Variants in CSRP2 observed in about 807,000 individuals in gnomAD.
CSRP2 encodes the protein cysteine and glycine-rich protein 2.
A neutral mutation model predicts 24.6 loss-of-function variants in CSRP2; 18 were observed. The observed-to-expected ratio is 0.73, with a 90% CI of 0.51 to 1.09. CSRP2 has a LOEUF of 1.09. Ranked by LOEUF, CSRP2 falls within the 50% of genes least tolerant of loss-of-function variation. CSRP2 has a pLI of 0.00. For missense variants in CSRP2, 215 were observed against 239.4 expected (o/e 0.90, Z 0.67); for synonymous variants, 87 against 84.3 (o/e 1.03, Z -0.18).
intron 1 of CSRP2, among the ~76,000 whole-genome samples, chr12:76,874,255 T>C (rs1341420828): frequency 6.6e-6 from 1 of 152,194 alleles, no homozygotes; most frequent in East Asian, 1.9e-4. Context: ...CTGTGATTAA[T>C]TATTTTTGCC....
At chr12:76,874,821 C>G (rs1049151044) in intron 1 of CSRP2, among the ~76,000 whole-genome samples, 1 of 152,052 alleles carries the variant, frequency 6.6e-6, no homozygotes, top group East Asian at 1.9e-4. Flanking sequence ...ATCTAGGTGC[C>G]CACTCGTTAC....
rs367865997 is a variant in CSRP2 at position 76,859,651 on chromosome 12, T to C, written c.412-11A>G. The stretch of plus-strand genomic sequence containing the variant: ...GTTTTTGTGCCAGGGCTGGAAGAGA[T>C]GAATGTGTCAGCATGTTTGAGAGGC... On this transcript the variant is annotated splice_polypyrimidine_tract_variant and intron_variant, in intron 4 of 5. Coordinates refer to ENST00000311083, the MANE Select transcript of CSRP2 (RefSeq NM_001321.3). 1.6e-5 allele frequency: 25 copies of C among 1,604,448 alleles called. No individual in the cohort carries two copies. The highest frequency in any genetic ancestry group is 1.4e-5 in the Non-Finnish European group (17 of 1,174,208).
rs574232716 is a variant in CSRP2 at position 76,871,634 on chromosome 12, G to A, written c.-1-5373C>T. 5.9e-5 allele frequency among the ~76,000 whole-genome samples: 9 copies of A among 152,132 alleles called. No individual in the cohort carries two copies. The South Asian group carries it at 1.9e-3, about 32-fold the overall frequency. ...AAATACTTAGCCGGGCGCGGTGGCAGGTGCCTGTAGTCCCAGCTACTCGGG... is the reference window on the plus strand; with the variant it reads ...AAATACTTAGCCGGGCGCGGTGGCAAGTGCCTGTAGTCCCAGCTACTCGGG... On this transcript the variant is annotated intron_variant, in intron 1 of 5. Coordinates refer to ENST00000311083, the MANE Select transcript of CSRP2 (RefSeq NM_001321.3).
intron 1 of CSRP2, among the ~76,000 whole-genome samples, chr12:76,878,553 G>A (rs777083673): frequency 6.6e-6 from 1 of 152,224 alleles, no homozygotes; most frequent in Non-Finnish European, 1.5e-5. Context: ...GCCTGCCGCT[G>A]GACGAGGGGA....
At chr12:76,866,971 G>T (rs1953742092) in intron 1 of CSRP2, among the ~76,000 whole-genome samples, 1 of 152,066 alleles carries the variant, frequency 6.6e-6, no homozygotes, top group South Asian at 2.1e-4. Flanking sequence ...CCAGCAGTTG[G>T]GTTTTCCTCT....
intron 1 of CSRP2, among the ~76,000 whole-genome samples, chr12:76,876,696 G>T (rs1312297615): frequency 6.6e-6 from 1 of 152,220 alleles, no homozygotes; most frequent in Non-Finnish European, 1.5e-5. Flanking sequence ...TCAGGGTAAG[G>T]TGCCTTGAGG....
intron 5 of CSRP2, 65 bp downstream of exon 5, chr12:76,859,482 A>G (rs761146233): frequency 1.9e-6 from 2 of 1,067,554 alleles, no homozygotes; most frequent in Middle Eastern, 4.1e-4. Flanking sequence ...TGCCAGTGAC[A>G]TTTCATTAAA....
chr12:76,874,901 C>T (rs1036363379), intron 1 of CSRP2, among the ~76,000 whole-genome samples: 1 of 152,074 alleles, frequency 6.6e-6, no homozygotes, highest in Non-Finnish European at 1.5e-5. Context: ...AACCATCCAC[C>T]CACCATCCAT....
chr12:76,865,033 A>G (rs1953721172), intron 2 of CSRP2: 1 of 152,214 alleles, frequency 6.6e-6, no homozygotes, highest in African/African-American at 2.4e-5. Context: ...TAAAATTCTC[A>G]TAGGTCTGCA....
At chr12:76,871,236 C>G (rs1330448496) in intron 1 of CSRP2, among the ~76,000 whole-genome samples, 2 of 152,130 alleles carry the variant, frequency 1.3e-5, no homozygotes, top group Admixed American at 1.3e-4. Flanking sequence ...AAGCAAATGC[C>G]TTGGCAGGAA....
chr12:76,868,872 G>C (rs1953761686), intron 1 of CSRP2, among the ~76,000 whole-genome samples: 2 of 151,264 alleles, frequency 1.3e-5, no homozygotes, highest in Admixed American at 6.6e-5. Flanking sequence ...GGCGGAGCTT[G>C]CAGTGAGCCG....
intron 1 of CSRP2, among the ~76,000 whole-genome samples, chr12:76,868,855 C>A (rs1032610046): frequency 6.6e-6 from 1 of 151,738 alleles, no homozygotes; most frequent in Non-Finnish European, 1.5e-5. Context: ...ATAGCGTGAA[C>A]CCGGGAGGCG....
At chr12:76,861,160 C>G (rs1315914571) in intron 3 of CSRP2, 1 of 143,396 alleles carries the variant, frequency 7.0e-6, no homozygotes, top group African/African-American at 2.6e-5. Flanking sequence ...TTTGAGAAGA[C>G]TTTTTTTTTT....
At chr12:76,860,013 C>G (rs1171813328) in intron 4 of CSRP2, among the ~76,000 whole-genome samples, 1 of 152,212 alleles carries the variant, frequency 6.6e-6, no homozygotes, top group Admixed American at 6.5e-5. Flanking sequence ...ACTGAATAAC[C>G]TGGAGATTCC....
intron 4 of CSRP2, 72 bp downstream of exon 4, chr12:76,860,212 T>G: frequency 6.8e-7 from 1 of 1,477,004 alleles, no homozygotes; most frequent in Non-Finnish European, 9.2e-7. Flanking sequence ...AAGCAAGGAA[T>G]GTGGAAGGGT....
At chr12:76,872,298 G>A (rs569520246) in intron 1 of CSRP2, among the ~76,000 whole-genome samples, 7 of 152,336 alleles carry the variant, frequency 4.6e-5, no homozygotes, top group African/African-American at 9.6e-5. Context: ...TATAGTCTAA[G>A]TCTGAGTCGT....
intron 3 of CSRP2, chr12:76,862,876 TC>T (rs1371847630): frequency 1.3e-6 from 2 of 1,531,186 alleles, no homozygotes; most frequent in Middle Eastern, 1.7e-4. Flanking sequence ...TTTCATGACA[TC>T]CGGTCTCCAA....
At chr12:76,877,830 A>G (rs889800431) in intron 1 of CSRP2, among the ~76,000 whole-genome samples, 2 of 152,114 alleles carry the variant, frequency 1.3e-5, no homozygotes, top group African/African-American at 2.4e-5. Context: ...AGTACAGCCA[A>G]CTTTGTGGCT....
chr12:76,863,284 C>T lies in CSRP2; in HGVS notation c.173G>A (p.Cys58Tyr). ...ATACTTCTTTCCGTAGCAGGATTTGCAGTAGATCTCTTCATCGTGAATTGC... is the reference window on the plus strand; with the variant it reads ...ATACTTCTTTCCGTAGCAGGATTTGTAGTAGATCTCTTCATCGTGAATTGC... ...TVAIHDEEIY[C>Y]KSCYGKKYGP... The change falls in exon 3 of 6, where the codon TGC becomes TAC. Residue 58 changes from cysteine to tyrosine, a missense_variant. By Grantham distance (194) the Cys-to-Tyr change is radical. Coordinates refer to ENST00000311083, the MANE Select transcript of CSRP2 (RefSeq NM_001321.3). The T allele has an allele frequency of 6.2e-7, 1 of 1,614,212 alleles. No homozygotes were observed. The highest frequency in any genetic ancestry group is 1.3e-5 in the African/African-American group (1 of 75,056).
Sources: gnomAD v4.1 joint callset for allele counts (sites outside exome capture counted in the v4.1 genomes callset) on GRCh38, gnomAD v4.1.1 for gene constraint, MANE v1.5 for transcripts, NCBI Gene and HGNC (gene_info 2026-07-23, HGNC 2026-07-21) for gene names.